Variants in ETV6 observed in about 807,000 individuals in gnomAD.
ETV6 encodes transcription factor ETV6.
ETV6 carries 16 observed loss-of-function variants against 51.1 expected under a neutral mutation model. The ratio of observed to expected loss-of-function variants is 0.31; its 90% CI spans 0.21 to 0.48. The LOEUF is 0.48. ETV6 is among the 20% of genes least tolerant of loss of function. The pLI, the probability that ETV6 is intolerant of heterozygous loss-of-function variation, is 0.99. For missense variants in ETV6, 458 were observed against 594.8 expected (o/e 0.77, Z 2.39); for synonymous variants, 240 against 224.1 (o/e 1.07, Z -0.64).
At chr12:11,707,918 T>C (rs1436325574) in intron 1 of ETV6, among the ~76,000 whole-genome samples, 2 of 152,246 alleles carry the variant, frequency 1.3e-5, no homozygotes, top group East Asian at 3.8e-4. Flanking sequence ...CTTTGTCTCC[T>C]CCTATCTTAT....
Position 11,893,792 on chromosome 12 carries a change from TTTTATA to T in ETV6, c.*2748_*2753del, listed in dbSNP as rs1279803564. 40 of 42,202 alleles carry T rather than the reference TTTTATA, an allele frequency of 9.5e-4. 4 individuals are homozygous for T. Among genetic ancestry groups the T allele is most frequent in the South Asian group, 3.2e-3 (3 of 942 alleles). 2.6% of individuals were successfully genotyped at this position (42,202 alleles called of 1,614,324 possible). A position where few individuals can be genotyped will look rare whatever the true frequency, so the allele number is the denominator to read the frequency against. On this transcript the variant is annotated 3_prime_UTR_variant, in exon 8 of 8. Transcript: ENST00000396373. ...TTGTGTCCATCCCCAAGATCTCTCA[TTTTATA>T]TATATATATATATATATATATATAT...
intron 3 of ETV6, among the ~76,000 whole-genome samples, chr12:11,841,975 G>C (rs999678746): frequency 4.6e-5 from 7 of 151,108 alleles, no homozygotes; most frequent in African/African-American, 1.7e-4. Context: ...CCAGCTACTT[G>C]GGAGGCTGAG....
intron 2 of ETV6, chr12:11,752,891 T>C: frequency 4.2e-6 from 1 of 237,426 alleles, no homozygotes; most frequent in Non-Finnish European, 8.1e-6. Context: ...TCTGTGTGTG[T>C]GCAAAGTTTA....
chr12:11,694,311 G>A (rs1169204668), intron 1 of ETV6, among the ~76,000 whole-genome samples: 8 of 152,096 alleles, frequency 5.3e-5, no homozygotes, highest in Non-Finnish European at 8.8e-5. Flanking sequence ...TGAAAAATGG[G>A]CCACTAATTT....
chr12:11,699,504 T>G (rs928665811), intron 1 of ETV6, among the ~76,000 whole-genome samples: 1 of 152,198 alleles, frequency 6.6e-6, no homozygotes, highest in African/African-American at 2.4e-5. Flanking sequence ...GAAACTGAAA[T>G]TTTAGAGTAA....
intron 6 of ETV6, 73 bp from the exon 7 acceptor site, chr12:11,885,853 G>T (rs546420181): frequency 1.8e-6 from 2 of 1,092,386 alleles, no homozygotes; most frequent in Non-Finnish European, 2.8e-6. Context: ...AATAGCTCCC[G>T]CAGTGCCTTT....
intron 1 of ETV6, among the ~76,000 whole-genome samples, chr12:11,725,663 G>C (rs554910478): frequency 6.6e-6 from 1 of 152,304 alleles, no homozygotes; most frequent in East Asian, 1.9e-4. Flanking sequence ...AGGTGTGTGG[G>C]TCATGGAAGT....
intron 1 of ETV6, among the ~76,000 whole-genome samples, chr12:11,672,495 C>A (rs1396072858): frequency 6.6e-6 from 1 of 152,180 alleles, no homozygotes; most frequent in Non-Finnish European, 1.5e-5. Context: ...TTCGTTAACA[C>A]AACGACGTAG....
intron 2 of ETV6, among the ~76,000 whole-genome samples, chr12:11,760,316 T>A (rs140593558): frequency 1.3e-5 from 2 of 152,310 alleles, no homozygotes; most frequent in Non-Finnish European, 2.9e-5. Context: ...GGCTGTAAGA[T>A]TCCAGTAATA....
At chr12:11,706,062 G>T (rs1865067849) in intron 1 of ETV6, among the ~76,000 whole-genome samples, 1 of 152,212 alleles carries the variant, frequency 6.6e-6, no homozygotes, top group Admixed American at 6.5e-5. Flanking sequence ...GAGGTCCCCT[G>T]CCAGGACTTC....
intron 3 of ETV6, among the ~76,000 whole-genome samples, chr12:11,852,601 G>A (rs543188668): frequency 1.1e-4 from 17 of 152,260 alleles, no homozygotes; most frequent in South Asian, 4.1e-4. Flanking sequence ...ATAATTCTTC[G>A]AGTAATCTGA....
intron 2 of ETV6, among the ~76,000 whole-genome samples, chr12:11,783,822 G>A (rs1315285014): frequency 2.0e-5 from 3 of 152,178 alleles, no homozygotes; most frequent in African/African-American, 7.2e-5. Context: ...CCACTTCACA[G>A]CCTTTTTGTT....
Position 11,891,143 on chromosome 12 carries a change from T to A in ETV6, c.*97T>A. 2 of 988,828 alleles carry A rather than the reference T, an allele frequency of 2.0e-6. No individual in the cohort carries two copies. The highest frequency in any genetic ancestry group is 3.1e-6 in the Non-Finnish European group (2 of 645,532). 61.3% of individuals were successfully genotyped at this position (988,828 alleles called of 1,614,324 possible). On this transcript the variant is annotated 3_prime_UTR_variant, in exon 8 of 8. Transcript: ENST00000396373. ...GACGGAGCAGGCGGGCTGAGGAGAG[T>A]GGAAAAGGAAGCGACCCAGAAATGG...
chr12:11,744,982 G>T (rs548126600), intron 1 of ETV6, among the ~76,000 whole-genome samples: 44 of 152,090 alleles, frequency 2.9e-4, no homozygotes, highest in African/African-American at 1.1e-3. Flanking sequence ...TTTAAAATGG[G>T]AACAATAAAG....
chr12:11,854,835 C>T (rs1411215879), intron 4 of ETV6, among the ~76,000 whole-genome samples: 1 of 152,096 alleles, frequency 6.6e-6, no homozygotes, highest in African/African-American at 2.4e-5. Context: ...GGGCTTTCTG[C>T]ATAGGGCACC....
At chr12:11,874,389 AATG>A (rs1372236763) in intron 5 of ETV6, among the ~76,000 whole-genome samples, 1 of 144,204 alleles carries the variant, frequency 6.9e-6, no homozygotes. Context: ...AAAAAAAAAA[AATG>A]TGTGTGTATA....
intron 1 of ETV6, among the ~76,000 whole-genome samples, chr12:11,716,324 C>A (rs1223557151): frequency 1.1e-5 from 1 of 93,876 alleles, no homozygotes; most frequent in Admixed American, 1.6e-4. Flanking sequence ...GAGCAAGACT[C>A]CTTCTCAAAA....
At chr12:11,702,804 A>T (rs576871867) in intron 1 of ETV6, among the ~76,000 whole-genome samples, 111 of 152,320 alleles carry the variant, frequency 7.3e-4, no homozygotes, top group African/African-American at 2.5e-3. Context: ...AGAAGAAAAA[A>T]TGAATTTACT....
At chr12:11,655,680 T>C (rs1458790816) in intron 1 of ETV6, among the ~76,000 whole-genome samples, 1 of 152,218 alleles carries the variant, frequency 6.6e-6, no homozygotes, top group African/African-American at 2.4e-5. Context: ...ACACATTTTA[T>C]TTGCTCTGTT....
Sources: gnomAD v4.1 joint callset for allele counts (sites outside exome capture counted in the v4.1 genomes callset) on GRCh38, gnomAD v4.1.1 for gene constraint, MANE v1.5 for transcripts, NCBI Gene and HGNC (gene_info 2026-07-23, HGNC 2026-07-21) for gene names.